The following SRGAP2 variants were observed in gnomAD, a reference collection of about 807,000 sequenced individuals.
SRGAP2 encodes SLIT-ROBO Rho GTPase-activating protein 2.
SRGAP2 carries 15 observed loss-of-function variants against 57.2 expected under a neutral mutation model. The ratio of observed to expected loss-of-function variants is 0.26; its 90% CI spans 0.18 to 0.40. The LOEUF (loss-of-function observed/expected upper bound fraction) is 0.40, where lower values mean the gene tolerates loss of function less well. Among genes scored for constraint, SRGAP2 ranks in the 10% least tolerant of loss-of-function variants. The pLI, the probability that SRGAP2 is intolerant of heterozygous loss-of-function variation, is 1.00. For missense variants in SRGAP2, 520 were observed against 669.6 expected, an observed-to-expected ratio of 0.78 and a Z score of 2.47; for synonymous variants, 249 against 248.0, an observed-to-expected ratio of 1.00 and a Z score of -0.04.
At chr1:206,391,037 T>C (rs1419589800) in intron 5 of SRGAP2, among the ~76,000 whole-genome samples, 4 of 152,112 alleles carry the variant, frequency 2.6e-5, no homozygotes, top group African/African-American at 9.7e-5. Context: ...GTCAGCACCA[T>C]TGACATTTGG....
chr1:206,362,840 T>C (rs531563858), intron 4 of SRGAP2, among the ~76,000 whole-genome samples: 121 of 152,212 alleles, frequency 7.9e-4, no homozygotes, highest in Non-Finnish European at 1.1e-3. Context: ...GTTCTGACTC[T>C]CTGGGGCAGA....
At chr1:206,333,616 T>C (rs1674549385) in intron 3 of SRGAP2, among the ~76,000 whole-genome samples, 1 of 152,118 alleles carries the variant, frequency 6.6e-6, no homozygotes, top group Non-Finnish European at 1.5e-5. Context: ...GGCCTCAAGC[T>C]CCTGGGCTCA....
intron 17 of SRGAP2, 22 bp from the exon 18 acceptor site, chr1:206,446,053 C>T (rs1371545048): frequency 2.6e-6 from 2 of 778,678 alleles, no homozygotes; most frequent in Non-Finnish European, 4.8e-6. Flanking sequence ...TTCCAGCTTG[C>T]CCCCTTTCCC....
intron 3 of SRGAP2, among the ~76,000 whole-genome samples, chr1:206,314,142 G>GT (rs1233751230): frequency 1.1e-4 from 16 of 149,008 alleles, no homozygotes; most frequent in Non-Finnish European, 2.1e-4. Context: ...TTGTTGTTTG[G>GT]GTTTTTTTTT....
rs552924689 is a variant in SRGAP2 at position 206,210,844 on chromosome 1, A to G, written c.67+4807A>G. Among the ~76,000 whole-genome samples, 152 of 151,436 alleles carry G rather than the reference A, an allele frequency of 1.0e-3. 1 individual carries two copies. Among genetic ancestry groups the G allele is most frequent in the African/African-American group, 3.5e-3 (144 of 41,162 alleles). ...TAGTTGGAATCCTCAAGCAGATGCT[A>G]TCATTTTCCTGCAAGATGATTGAGG... is the stretch of plus-strand genomic sequence containing the variant. On this transcript the variant is annotated intron_variant, in intron 2 of 22. Coordinates refer to ENST00000573034, the MANE Select transcript of SRGAP2 (RefSeq NM_015326.5).
intron 4 of SRGAP2, among the ~76,000 whole-genome samples, chr1:206,355,836 G>A (rs1283841476): frequency 1.3e-5 from 2 of 152,080 alleles, no homozygotes; most frequent in Non-Finnish European, 2.9e-5. Flanking sequence ...GCATCGTGGT[G>A]TATTCCTGTA....
Position 206,340,517 on chromosome 1 carries a change from A to AC in SRGAP2, c.261-2321dup, listed in dbSNP as rs150293305. Among the ~76,000 whole-genome samples, 221 of 150,720 alleles carry AC rather than the reference A, an allele frequency of 1.5e-3. 1 individual carries two copies. Among genetic ancestry groups the AC allele is most frequent in the Middle Eastern group, 3.4e-3 (1 of 290 alleles). On this transcript the variant is annotated intron_variant, in intron 3 of 22. Coordinates refer to ENST00000573034, the MANE Select transcript of SRGAP2 (RefSeq NM_015326.5). Reference sequence around the variant, plus strand: ...TGCTATAGGGAAAGAACCAGTATAGACCCCCCCCAATCCATCTTCTCCCTT... The same window carrying AC: ...TGCTATAGGGAAAGAACCAGTATAGACCCCCCCCCAATCCATCTTCTCCCTT...
intron 2 of SRGAP2, among the ~76,000 whole-genome samples, chr1:206,295,302 T>C (rs1484670746): frequency 6.6e-6 from 1 of 152,112 alleles, no homozygotes. Context: ...CAGCTCACTG[T>C]AACCTCTGCC....
chr1:206,433,242 C>T (rs1572142978), intron 14 of SRGAP2, among the ~76,000 whole-genome samples: 1 of 152,176 alleles, frequency 6.6e-6, no homozygotes, highest in South Asian at 2.1e-4. Context: ...ATGGAAAAAA[C>T]GTGAAAAGAA....
At chr1:206,353,798 A>AT (rs566625693) in intron 4 of SRGAP2, among the ~76,000 whole-genome samples, 15,914 of 127,296 alleles carry the variant, frequency 0.13, 1,359 homozygotes, top group South Asian at 0.24. Flanking sequence ...TTTATTTCAG[A>AT]TTTTTTTTTT....
intron 4 of SRGAP2, among the ~76,000 whole-genome samples, chr1:206,363,869 G>A (rs1263304119): frequency 6.6e-6 from 1 of 152,224 alleles, no homozygotes; most frequent in Non-Finnish European, 1.5e-5. Flanking sequence ...GTGAGGATGG[G>A]TGTCCCCTTT....
chr1:206,435,226 G>T (rs959481502), intron 14 of SRGAP2, among the ~76,000 whole-genome samples: 1 of 152,110 alleles, frequency 6.6e-6, no homozygotes, highest in African/African-American at 2.4e-5. Context: ...CGGCCTATGT[G>T]GTTTACCTCC....
chr1:206,225,952 G>T (rs1408254079), intron 2 of SRGAP2, among the ~76,000 whole-genome samples: 10 of 151,962 alleles, frequency 6.6e-5, no homozygotes, highest in Non-Finnish European at 1.5e-5. Context: ...GACCTCCCAT[G>T]GGTGACTGAA....
At chr1:206,314,587 G>A (rs1433569616) in intron 3 of SRGAP2, among the ~76,000 whole-genome samples, 1 of 152,320 alleles carries the variant, frequency 6.6e-6, no homozygotes, top group East Asian at 1.9e-4. Context: ...GCTGTATGCA[G>A]GGCTAAAGAG....
intron 19 of SRGAP2, among the ~76,000 whole-genome samples, chr1:206,451,472 C>T (rs535143866): frequency 6.6e-6 from 1 of 152,118 alleles, no homozygotes; most frequent in Admixed American, 6.5e-5. Flanking sequence ...CAAGGGGCCT[C>T]AGAATTTTCT....
chr1:206,404,507 C>T (rs1553356843), intron 8 of SRGAP2, among the ~76,000 whole-genome samples: 4 of 150,558 alleles, frequency 2.7e-5, no homozygotes, highest in African/African-American at 9.7e-5. Context: ...CATCTGTCAT[C>T]CAGGGGACTG....
intron 2 of SRGAP2, among the ~76,000 whole-genome samples, chr1:206,239,480 CAG>C (rs1339475039): frequency 6.6e-6 from 1 of 152,104 alleles, no homozygotes. Context: ...TTTTTTGAGA[CAG>C]AGTCTTCCTC....
chr1:206,307,062 A>C (rs1344947240), intron 3 of SRGAP2, among the ~76,000 whole-genome samples: 1 of 151,594 alleles, frequency 6.6e-6, no homozygotes, highest in African/African-American at 2.4e-5. Flanking sequence ...TGAGCTAGAC[A>C]TAAAGGTTCT....
intron 4 of SRGAP2, among the ~76,000 whole-genome samples, chr1:206,383,650 T>G (rs1655916893): frequency 1.3e-5 from 2 of 149,834 alleles, no homozygotes; most frequent in South Asian, 2.1e-4. Context: ...CTTTGAAATC[T>G]TCTGGAATGC....
Sources: allele counts gnomAD v4.1 joint callset (sites outside exome capture counted in the v4.1 genomes callset), GRCh38; gene constraint gnomAD v4.1.1; transcripts MANE v1.5; gene names NCBI Gene and HGNC (gene_info 2026-07-23, HGNC 2026-07-21).